VCPIP1: variants seen among roughly 807,000 people sequenced by gnomAD.
VCPIP1 encodes deubiquitinating protein VCPIP1.
A neutral mutation model predicts 85.0 loss-of-function variants in VCPIP1; 8 were observed. That is an observed-to-expected ratio of 0.09 (90% CI 0.06 to 0.17). VCPIP1 has a LOEUF of 0.17. Ranked by LOEUF, VCPIP1 falls within the 10% of genes least tolerant of loss-of-function variation. The pLI is 1.00. For synonymous variants in VCPIP1, 543 were observed against 544.5 expected, an observed-to-expected ratio of 1.00 and a Z score of 0.04; for missense variants, 1,070 against 1,486.3, an observed-to-expected ratio of 0.72 and a Z score of 4.61.
intron 2 of VCPIP1, among the ~76,000 whole-genome samples, chr8:66,638,964 C>CTA (rs765356671): frequency 0.014 from 1,852 of 132,432 alleles, 30 homozygotes; most frequent in African/African-American, 0.039. Flanking sequence ...CTCTCTCTCT[C>CTA]TCTCTCTATA....
intron 1 of VCPIP1, among the ~76,000 whole-genome samples, chr8:66,659,067 C>CA (rs1188422474): frequency 6.6e-6 from 1 of 151,932 alleles, no homozygotes; most frequent in Admixed American, 6.6e-5. Flanking sequence ...AACAAAAAAA[C>CA]AAACAAAACT....
intron 2 of VCPIP1, among the ~76,000 whole-genome samples, chr8:66,636,837 AGAGT>A (rs1044082597): frequency 6.6e-6 from 1 of 152,066 alleles, no homozygotes; most frequent in African/African-American, 2.4e-5. Flanking sequence ...ACTGGGCAAC[AGAGT>A]GAGACTCCGT....
At chr8:66,653,010 G>C (rs370791233) in intron 1 of VCPIP1, among the ~76,000 whole-genome samples, 65 of 152,306 alleles carry the variant, frequency 4.3e-4, no homozygotes, top group African/African-American at 1.5e-3. Flanking sequence ...CAACATCTCA[G>C]AGTTCTAATC....
chr8:66,648,914 C>G (rs1015816647), intron 2 of VCPIP1, among the ~76,000 whole-genome samples: 14 of 152,102 alleles, frequency 9.2e-5, no homozygotes, highest in Admixed American at 7.9e-4. Flanking sequence ...TAATCGCACA[C>G]TTTGGGAGGC....
At chr8:66,638,115 C>A (rs1490152840) in intron 2 of VCPIP1, among the ~76,000 whole-genome samples, 1 of 152,134 alleles carries the variant, frequency 6.6e-6, no homozygotes, top group Non-Finnish European at 1.5e-5. Flanking sequence ...AAAAACAATA[C>A]AACAGAATAC....
intron 1 of VCPIP1, among the ~76,000 whole-genome samples, chr8:66,659,280 G>T (rs1199057008): frequency 6.6e-6 from 1 of 150,482 alleles, no homozygotes; most frequent in Admixed American, 6.6e-5. Flanking sequence ...CACTGCAACC[G>T]CACCAGGTCT....
intron 2 of VCPIP1, among the ~76,000 whole-genome samples, chr8:66,644,449 A>C (rs1810975375): frequency 6.6e-6 from 1 of 152,220 alleles, no homozygotes; most frequent in South Asian, 2.1e-4. Flanking sequence ...ATCTTGATAC[A>C]TGTAGGAAAA....
intron 1 of VCPIP1, 44 bp downstream of exon 1, chr8:66,664,205 A>G (rs772862052): frequency 2.0e-6 from 3 of 1,493,972 alleles, no homozygotes; most frequent in Non-Finnish European, 2.7e-6. Context: ...TCAGTGTATT[A>G]TATTTACAAT....
At chr8:66,658,678 G>A (rs1419235204) in intron 1 of VCPIP1, among the ~76,000 whole-genome samples, 2 of 151,810 alleles carry the variant, frequency 1.3e-5, no homozygotes, top group African/African-American at 4.8e-5. Flanking sequence ...TAGTAGAGAC[G>A]GGGTTTCACC....
At position 66,635,263 on chromosome 8, in the gene VCPIP1, G is replaced by C; in HGVS notation, c.2907C>G (p.Phe969Leu). The C allele has an allele frequency of 6.2e-7, 1 of 1,614,166 alleles. No individual in the cohort carries two copies. Among genetic ancestry groups the C allele is most frequent in the Non-Finnish European group, 8.5e-7 (1 of 1,180,040 alleles). The change falls in exon 3 of 3, where the codon TTC becomes TTG. Residue 969 changes from phenylalanine to leucine, a missense_variant. Transcript: ENST00000310421. ...AATCTTCAACATCAGGACCAATGGG[G>C]AAATGTCCTGCAGCATCCACACACA... ...LELCVDAAGH[F>L]PIGPDVEDLV... is the part of the protein sequence containing the mutation.
chr8:66,649,327 A>G (rs905079946), intron 2 of VCPIP1, among the ~76,000 whole-genome samples: 7 of 152,122 alleles, frequency 4.6e-5, no homozygotes, highest in Non-Finnish European at 4.4e-5. Flanking sequence ...CCTGGGCAAC[A>G]TGGCGAAACC....
chr8:66,635,165 C>T lies in VCPIP1; in HGVS notation c.3005G>A (p.Gly1002Glu). ...TCCACCACTACCTAGTTTTAATAGC[C>T]CATGTGAGGGACTTGATTCCCTACT... is the stretch of plus-strand genomic sequence containing the variant. ...TRSRESSPSH[G>E]LLKLGSGGVV... Residue 1002 changes from glycine (G) to glutamate (E), a missense_variant, in exon 3 of 3, where the codon GGG becomes GAG. Transcript: ENST00000310421. The T allele has an allele frequency of 6.2e-7, 1 of 1,614,088 alleles. No individual in the cohort carries two copies. Among genetic ancestry groups the T allele is most frequent in the Non-Finnish European group, 8.5e-7 (1 of 1,180,026 alleles).
At position 66,634,906 on chromosome 8, in the gene VCPIP1, T is replaced by C. The variant is rs1435434503; in HGVS notation, c.3264A>G (p.Val1088=). Residue 1088 remains valine, a synonymous_variant, in exon 3 of 3, where the codon GTA becomes GTG. Coordinates refer to ENST00000310421, the MANE Select transcript of VCPIP1 (RefSeq NM_025054.5). ...GCTGCCTGCCGTCTCTCATTGTTAC[T>C]ACTCCAGGAGCTATTCGAATAAGCT... The part of the protein sequence containing the change: ...NSELIRIAPG[V]VTMRDGRQLD... 1 of 1,613,820 alleles carries C rather than the reference T, an allele frequency of 6.2e-7. No homozygotes were observed. Among genetic ancestry groups the C allele is most frequent in the East Asian group, 2.2e-5 (1 of 44,900 alleles).
chr8:66,661,151 A>G (rs964493535), intron 1 of VCPIP1, among the ~76,000 whole-genome samples: 3 of 152,254 alleles, frequency 2.0e-5, no homozygotes, highest in African/African-American at 7.2e-5. Context: ...TAATACTTCA[A>G]TTTAAAGCAG....
At chr8:66,635,524 A>G in intron 2 of VCPIP1, 152 bp from the exon 3 acceptor site, 1 of 932,890 alleles carries the variant, frequency 1.1e-6, no homozygotes, top group Non-Finnish European at 1.5e-6. Context: ...ATTGTATTAC[A>G]AAAAAGAACC....
At chr8:66,646,238 A>G (rs182054924) in intron 2 of VCPIP1, among the ~76,000 whole-genome samples, 101 of 151,986 alleles carry the variant, frequency 6.6e-4, no homozygotes, top group African/African-American at 2.3e-3. Flanking sequence ...ACACCTGACT[A>G]ATTTTTATAT....
rs1223304725 is a variant in VCPIP1, at chr8:66,655,215, CCTAT to C, written c.2711-3675_2711-3672del. On this transcript the variant is annotated intron_variant, in intron 1 of 2. Transcript: ENST00000310421. ...TTCAGATTCAGGGAAAGGTCAGTGGCCTATCTGACTTTTTACCCCCAGGGCCTCG... is the reference window on the plus strand; with the variant it reads ...TTCAGATTCAGGGAAAGGTCAGTGGCCTGACTTTTTACCCCCAGGGCCTCG... 5.9e-5 allele frequency among the ~76,000 whole-genome samples: 9 copies of C among 152,298 alleles called. No homozygotes were observed. In the East Asian group the frequency reaches 1.4e-3, roughly 23 times the overall value.
At chr8:66,640,148 A>G (rs1810932923) in intron 2 of VCPIP1, among the ~76,000 whole-genome samples, 1 of 152,186 alleles carries the variant, frequency 6.6e-6, no homozygotes, top group African/African-American at 2.4e-5. Context: ...ATTTACCACA[A>G]ATATCAGAAA....
At chr8:66,638,968 C>CTATATATA (rs1432062184) in intron 2 of VCPIP1, among the ~76,000 whole-genome samples, 34 of 127,030 alleles carry the variant, frequency 2.7e-4, no homozygotes, top group African/African-American at 1.2e-3. Flanking sequence ...CTCTCTCTCT[C>CTATATATA]TCTATATATA....
Sources: gnomAD v4.1 joint callset for allele counts (sites outside exome capture counted in the v4.1 genomes callset) on GRCh38, gnomAD v4.1.1 for gene constraint, MANE v1.5 for transcripts, NCBI Gene and HGNC (gene_info 2026-07-23, HGNC 2026-07-21) for gene names.